GRIK4: variants seen among roughly 807,000 people sequenced by gnomAD.
GRIK4 encodes glutamate receptor ionotropic, kainate 4.
Under a neutral mutation model 104.9 loss-of-function variants are expected in GRIK4, and 40 were observed. The observed-to-expected ratio is 0.38, with a 90% CI of 0.30 to 0.50. The LOEUF is 0.50. Among genes scored for constraint, GRIK4 ranks in the 20% least tolerant of loss-of-function variants. The pLI, the probability that GRIK4 is intolerant of heterozygous loss-of-function variation, is 0.93. For synonymous variants in GRIK4, 485 were observed against 524.9 expected, an observed-to-expected ratio of 0.92 and a Z score of 1.04; for missense variants, 1,047 against 1,308.1, an observed-to-expected ratio of 0.80 and a Z score of 3.08.
chr11:120,710,523 C>A (rs763456067), intron 3 of GRIK4, among the ~76,000 whole-genome samples: 50 of 152,204 alleles, frequency 3.3e-4, no homozygotes, highest in Non-Finnish European at 6.0e-4. Context: ...ACGGCCCCCC[C>A]ATTCCAGCTG....
At chr11:120,636,378 G>C (rs1331920396) in intron 1 of GRIK4, among the ~76,000 whole-genome samples, 1 of 152,210 alleles carries the variant, frequency 6.6e-6, no homozygotes, top group African/African-American at 2.4e-5. Context: ...GATATTTTCA[G>C]TTCCTAGGCA....
chr11:120,885,263 G>T (rs530843663), intron 11 of GRIK4, among the ~76,000 whole-genome samples: 1 of 152,200 alleles, frequency 6.6e-6, no homozygotes, highest in Non-Finnish European at 1.5e-5. Context: ...CATGCACTCC[G>T]CACACGGCAA....
chr11:120,631,689 A>G (rs1798186268), intron 1 of GRIK4, among the ~76,000 whole-genome samples: 1 of 152,146 alleles, frequency 6.6e-6, no homozygotes, highest in African/African-American at 2.4e-5. Context: ...TCTTGCCTTG[A>G]ACTCCTAATT....
At chr11:120,857,215 C>T (rs1464255470) in intron 8 of GRIK4, among the ~76,000 whole-genome samples, 1 of 152,232 alleles carries the variant, frequency 6.6e-6, no homozygotes, top group Non-Finnish European at 1.5e-5. Flanking sequence ...TGTCCTTGCT[C>T]CCTGGCCCAG....
chr11:120,742,368 G>A, intron 3 of GRIK4, among the ~76,000 whole-genome samples: 1 of 150,470 alleles, frequency 6.6e-6, no homozygotes, highest in South Asian at 2.1e-4. Context: ...AAAAAAGTGG[G>A]CAAAGGACAT....
In GRIK4 at chr11:120,874,099, G is replaced by A; in HGVS notation, c.940G>A (p.Ala314Thr). 6.2e-7 allele frequency: 1 copy of A among 1,613,764 alleles called. No homozygotes were observed. Among genetic ancestry groups the A allele is most frequent in the Non-Finnish European group, 8.5e-7 (1 of 1,179,782 alleles). Residue 314 changes from alanine to threonine, a missense_variant, in exon 10 of 21, where the codon GCT becomes ACT. This residue lies in a region of GRIK4 where 447 missense variants were observed against 514.9 expected (regional missense o/e 0.87). Transcript: ENST00000527524. The stretch of plus-strand genomic sequence containing the variant: ...GGCCCTGCTGTTTGATGCTGTCTAT[G>A]CTGTGGTGACTGCGGTGCAGGAACT... Reference protein sequence around the residue: ...SSALLFDAVYAVVTAVQELNR... With the variant: ...SSALLFDAVYTVVTAVQELNR...
intron 11 of GRIK4, among the ~76,000 whole-genome samples, chr11:120,896,158 T>C (rs1025655792): frequency 6.6e-6 from 1 of 152,086 alleles, no homozygotes; most frequent in East Asian, 1.9e-4. Flanking sequence ...GGAAGACACA[T>C]AGGTAAACAA....
At chr11:120,693,759 G>A (rs558159307) in intron 3 of GRIK4, among the ~76,000 whole-genome samples, 17 of 152,290 alleles carry the variant, frequency 1.1e-4, no homozygotes, top group African/African-American at 3.4e-4. Flanking sequence ...GGGGTAGTGG[G>A]CATGAAGGAG....
chr11:120,584,322 A>G (rs544273349), intron 1 of GRIK4, among the ~76,000 whole-genome samples: 1 of 152,338 alleles, frequency 6.6e-6, no homozygotes, highest in Admixed American at 6.5e-5. Context: ...ATAAAGAAAT[A>G]CCTGAGACTG....
intron 13 of GRIK4, among the ~76,000 whole-genome samples, chr11:120,923,249 A>G (rs1231094773): frequency 6.6e-6 from 1 of 152,102 alleles, no homozygotes; most frequent in Non-Finnish European, 1.5e-5. Flanking sequence ...AAAACTTACC[A>G]GGTGGGATGT....
At chr11:120,562,569 G>C (rs6589815) in intron 1 of GRIK4, among the ~76,000 whole-genome samples, 14,787 of 152,188 alleles carry the variant, frequency 0.097, 2,398 homozygotes, top group African/African-American at 0.34. Context: ...TGCACACACA[G>C]AAGTAAGTGA....
chr11:120,909,263 C>T (rs1373107197), intron 13 of GRIK4, among the ~76,000 whole-genome samples: 2 of 152,176 alleles, frequency 1.3e-5, no homozygotes, highest in Non-Finnish European at 2.9e-5. Context: ...ATGGGCATGC[C>T]CAAGCAAACA....
intron 3 of GRIK4, among the ~76,000 whole-genome samples, chr11:120,776,260 G>A (rs1201537370): frequency 6.6e-6 from 1 of 152,134 alleles, no homozygotes; most frequent in Non-Finnish European, 1.5e-5. Flanking sequence ...CTCTGGGACC[G>A]CGTGGACCAG....
At chr11:120,720,191 C>T (rs1179305155) in intron 3 of GRIK4, among the ~76,000 whole-genome samples, 3 of 152,116 alleles carry the variant, frequency 2.0e-5, no homozygotes, top group East Asian at 3.9e-4. Context: ...GGTGAGATTT[C>T]GAACTGAGAG....
At chr11:120,882,176 A>T (rs961657327) in intron 11 of GRIK4, among the ~76,000 whole-genome samples, 1 of 151,808 alleles carries the variant, frequency 6.6e-6, no homozygotes, top group African/African-American at 2.4e-5. Flanking sequence ...AGCTGACCCC[A>T]TCATAGCTCC....
intron 3 of GRIK4, among the ~76,000 whole-genome samples, chr11:120,740,759 C>T (rs1019502425): frequency 2.6e-5 from 4 of 152,190 alleles, no homozygotes; most frequent in Non-Finnish European, 5.9e-5. Flanking sequence ...ATCCACCTCC[C>T]GTGAGTGCCT....
intron 1 of GRIK4, among the ~76,000 whole-genome samples, chr11:120,571,219 T>C (rs1231898216): frequency 6.6e-6 from 1 of 152,230 alleles, no homozygotes; most frequent in Non-Finnish European, 1.5e-5. Context: ...CATCTTCTTC[T>C]TTCTTGGTTT....
chr11:120,728,570 A>G lies in GRIK4; in HGVS notation c.82+68170A>G, dbSNP rs1327260886. ...AAAATGGGGAGAATAGAGATGGTAT[A>G]TGCAAAACATTTTAAGCTTTTAAAA... On this transcript the variant is annotated intron_variant, in intron 3 of 20. Coordinates refer to ENST00000527524, the MANE Select transcript of GRIK4 (RefSeq NM_014619.5). 5.9e-5 allele frequency among the ~76,000 whole-genome samples: 9 copies of G among 152,216 alleles called. No individual in the cohort carries two copies. The East Asian group carries it at 1.3e-3, about 23-fold the overall frequency.
chr11:120,653,234 G>C (rs909631974), intron 1 of GRIK4, among the ~76,000 whole-genome samples: 2 of 152,242 alleles, frequency 1.3e-5, no homozygotes, highest in Non-Finnish European at 2.9e-5. Context: ...ATGGAACCAG[G>C]GGGCCAGTCT....
Sources: allele counts gnomAD v4.1 joint callset (sites outside exome capture counted in the v4.1 genomes callset), GRCh38; gene constraint gnomAD v4.1.1; regional missense constraint gnomAD v4.1.1; transcripts MANE v1.5; gene names NCBI Gene and HGNC (gene_info 2026-07-23, HGNC 2026-07-21).